The following EDAR variants were observed in gnomAD, a reference collection of about 807,000 sequenced individuals.
EDAR encodes the protein tumor necrosis factor receptor superfamily member EDAR.
A neutral mutation model predicts 51.3 loss-of-function variants in EDAR; 38 were observed. The ratio of observed to expected loss-of-function variants is 0.74; its 90% CI spans 0.57 to 0.97. The LOEUF (loss-of-function observed/expected upper bound fraction) is 0.97. Among genes scored for constraint, EDAR ranks in the 50% least tolerant of loss-of-function variants. The pLI is 0.00. For synonymous variants in EDAR, 227 were observed against 242.1 expected, an observed-to-expected ratio of 0.94 and a Z score of 0.58; for missense variants, 528 against 595.0, an observed-to-expected ratio of 0.89 and a Z score of 1.17.
At chr2:108,923,255 T>TA (rs1445348088) in intron 5 of EDAR, 113 bp downstream of exon 5, 2 of 1,038,520 alleles carry the variant, frequency 1.9e-6, no homozygotes, top group Non-Finnish European at 3.0e-6. Context: ...CTAGTGCTGT[T>TA]ACTGTGATTC....
intron 1 of EDAR, among the ~76,000 whole-genome samples, chr2:108,974,917 G>T (rs1314456821): frequency 6.6e-6 from 1 of 152,166 alleles, no homozygotes; most frequent in Middle Eastern, 3.2e-3. Context: ...TAGCCTTTCT[G>T]AGGTGTGCAG....
intron 1 of EDAR, among the ~76,000 whole-genome samples, chr2:108,985,112 A>T (rs765208624): frequency 5.9e-5 from 9 of 152,180 alleles, no homozygotes; most frequent in East Asian, 1.9e-4. Flanking sequence ...TGGCAGAATC[A>T]ACTCTTTTTT....
At chr2:108,961,076 C>T (rs778872250) in intron 1 of EDAR, among the ~76,000 whole-genome samples, 74 of 152,320 alleles carry the variant, frequency 4.9e-4, no homozygotes, top group Non-Finnish European at 9.0e-4. Context: ...TGGGTGAGCA[C>T]GCATGGATGC....
chr2:108,964,591 C>T (rs1008053250), intron 1 of EDAR, among the ~76,000 whole-genome samples: 1 of 152,200 alleles, frequency 6.6e-6, no homozygotes, highest in African/African-American at 2.4e-5. Context: ...CTTTTAACAA[C>T]AAAGGGCAGC....
At chr2:108,943,249 T>C (rs1697643683) in intron 1 of EDAR, among the ~76,000 whole-genome samples, 1 of 152,200 alleles carries the variant, frequency 6.6e-6, no homozygotes, top group Non-Finnish European at 1.5e-5. Flanking sequence ...CAGAGGTACC[T>C]AGCTAGAGCA....
chr2:108,905,581 C>A (rs1242709288), intron 11 of EDAR, among the ~76,000 whole-genome samples: 2 of 152,132 alleles, frequency 1.3e-5, no homozygotes, highest in Non-Finnish European at 2.9e-5. Flanking sequence ...GCCCAGCATG[C>A]ACCAGGCTCC....
intron 1 of EDAR, among the ~76,000 whole-genome samples, chr2:108,971,323 G>C (rs1235470470): frequency 6.6e-6 from 1 of 152,006 alleles, no homozygotes; most frequent in African/African-American, 2.4e-5. Flanking sequence ...CATTACCCAG[G>C]AGCTCGTTAG....
At chr2:108,987,113 G>A (rs369424306) in intron 1 of EDAR, among the ~76,000 whole-genome samples, 12 of 152,364 alleles carry the variant, frequency 7.9e-5, no homozygotes, top group African/African-American at 2.9e-4. Context: ...AAGGCTGTCT[G>A]CCAAACACCA....
intron 4 of EDAR, among the ~76,000 whole-genome samples, chr2:108,925,248 CTGAA>C (rs912461658): frequency 6.6e-6 from 1 of 152,206 alleles, no homozygotes; most frequent in African/African-American, 2.4e-5. Flanking sequence ...TAAACATTGG[CTGAA>C]TGAATGAATG....
chr2:108,981,057 C>T (rs1698411496), intron 1 of EDAR, among the ~76,000 whole-genome samples: 1 of 152,230 alleles, frequency 6.6e-6, no homozygotes, highest in African/African-American at 2.4e-5. Context: ...ATGAGCAGGA[C>T]TTCCAATGTG....
chr2:108,930,932 T>C, intron 2 of EDAR, 32 bp downstream of exon 2: 1 of 1,612,280 alleles, frequency 6.2e-7, no homozygotes, highest in East Asian at 2.2e-5. Flanking sequence ...AGGATGAGGG[T>C]GCTGTGGGGG....
At chr2:108,950,177 T>C (rs1697795560) in intron 1 of EDAR, among the ~76,000 whole-genome samples, 1 of 152,100 alleles carries the variant, frequency 6.6e-6, no homozygotes, top group Non-Finnish European at 1.5e-5. Flanking sequence ...AGATGTCATG[T>C]CTTTTTTCTC....
At chr2:108,969,070 T>C (rs1319099885) in intron 1 of EDAR, among the ~76,000 whole-genome samples, 7 of 152,188 alleles carry the variant, frequency 4.6e-5, no homozygotes, top group Admixed American at 4.6e-4. Flanking sequence ...GAGTCCCTGA[T>C]GCACAGTCAG....
chr2:108,938,425 GCT>G (rs923553812), intron 1 of EDAR, among the ~76,000 whole-genome samples: 9 of 152,328 alleles, frequency 5.9e-5, no homozygotes, highest in Admixed American at 3.3e-4. Flanking sequence ...GAGGAAGGAA[GCT>G]CTCTCTGCAT....
At chr2:108,934,936 T>A (rs946619768) in intron 1 of EDAR, among the ~76,000 whole-genome samples, 2 of 152,250 alleles carry the variant, frequency 1.3e-5, no homozygotes, top group African/African-American at 4.8e-5. Context: ...CTTGTGGAAC[T>A]AACCAGTTAA....
intron 1 of EDAR, among the ~76,000 whole-genome samples, chr2:108,962,531 C>T (rs570936346): frequency 3.3e-5 from 5 of 151,834 alleles, no homozygotes; most frequent in South Asian, 2.1e-4. Flanking sequence ...AAAAATTAGC[C>T]GGGCGTGGTG....
chr2:108,943,004 C>G (rs925916169), intron 1 of EDAR, among the ~76,000 whole-genome samples: 3 of 152,196 alleles, frequency 2.0e-5, no homozygotes, highest in African/African-American at 7.2e-5. Context: ...GGCGTTTCAC[C>G]GGGCAGGTGA....
At chr2:108,979,467 TCACACACACACA>T (rs5833308) in intron 1 of EDAR, among the ~76,000 whole-genome samples, 2 of 147,112 alleles carry the variant, frequency 1.4e-5, no homozygotes, top group African/African-American at 5.0e-5. Flanking sequence ...TCTCTCTCTC[TCACACACACACA>T]CACACACACA....
intron 1 of EDAR, among the ~76,000 whole-genome samples, chr2:108,943,775 C>G (rs1022977932): frequency 6.6e-6 from 1 of 152,164 alleles, no homozygotes; most frequent in Admixed American, 6.5e-5. Context: ...CCTCCTTTCT[C>G]CAGGATGCTC....
Sources: allele counts gnomAD v4.1 joint callset (sites outside exome capture counted in the v4.1 genomes callset), GRCh38; gene constraint gnomAD v4.1.1; transcripts MANE v1.5; gene names NCBI Gene and HGNC (gene_info 2026-07-23, HGNC 2026-07-21).